C16orf78: variants seen among roughly 807,000 people sequenced by gnomAD.
C16orf78 encodes uncharacterized protein C16orf78.
A neutral mutation model predicts 27.3 loss-of-function variants in C16orf78; 19 were observed. The ratio of observed to expected loss-of-function variants is 0.70; its 90% CI spans 0.49 to 1.02. C16orf78 has a LOEUF of 1.02. Among genes scored for constraint, C16orf78 ranks in the 50% least tolerant of loss-of-function variants. The pLI is 0.00. For synonymous variants in C16orf78, 130 were observed against 116.1 expected (o/e 1.12, Z -0.77); for missense variants, 339 against 337.0 (o/e 1.01, Z -0.05).
chr16:49,382,333 G>T (rs1036813276), intron 3 of C16orf78, among the ~76,000 whole-genome samples: 16 of 152,118 alleles, frequency 1.1e-4, no homozygotes, highest in Admixed American at 4.6e-4. Flanking sequence ...GTTAGTAGGT[G>T]CAGCGCACCA....
chr16:49,378,417 G>T, intron 2 of C16orf78, 53 bp from the exon 3 acceptor site: 1 of 1,537,698 alleles, frequency 6.5e-7, no homozygotes, highest in Non-Finnish European at 8.8e-7. Flanking sequence ...GGAGCGGGGA[G>T]GGCGAGCCAG....
chr16:49,399,203 T>C lies in C16orf78; in HGVS notation c.723T>C (p.Asp241=), dbSNP rs1293982177. 2 of 1,613,962 alleles carry C rather than the reference T, an allele frequency of 1.2e-6. No homozygotes were observed. The highest frequency in any genetic ancestry group is 2.7e-5 in the African/African-American group (2 of 74,918). ...KLCKDAGMNV[D]IHPHMVEEDI... Reference sequence around the variant, plus strand: ...GCAAGGATGCAGGAATGAATGTGGATATCCACCCCCACATGGTCGAAGAGG... The same window carrying C: ...GCAAGGATGCAGGAATGAATGTGGACATCCACCCCCACATGGTCGAAGAGG... The change falls in exon 5 of 5, where the codon GAT becomes GAC. Residue 241 remains aspartate, a synonymous_variant. Coordinates refer to ENST00000299191, the MANE Select transcript of C16orf78 (RefSeq NM_144602.4).
Position 49,377,833 on chromosome 16 carries a change from AC to A in C16orf78, c.254del (p.Thr85ArgfsTer8), listed in dbSNP as rs1485030083. 11 of 1,578,986 alleles carry A rather than the reference AC, an allele frequency of 7.0e-6. No individual in the cohort carries two copies. Among genetic ancestry groups the A allele is most frequent in the Non-Finnish European group, 9.5e-6 (11 of 1,161,204 alleles). On this transcript the variant is annotated frameshift_variant, in exon 2 of 5. Coordinates refer to ENST00000299191, the MANE Select transcript of C16orf78 (RefSeq NM_144602.4). LOFTEE classifies it high-confidence loss of function. ...MTARGGNRRD[T>X]ETSQQALGKR... ...AGCACGGGGAGGGAACCGCAGGGACACGGAGACTTCCCAGCAGGTAATGCAG... is the reference window on the plus strand; with the variant it reads ...AGCACGGGGAGGGAACCGCAGGGACAGGAGACTTCCCAGCAGGTAATGCAG...
In C16orf78 at chr16:49,374,108, A is replaced by G; in HGVS notation, c.150+19A>G. The G allele has an allele frequency of 6.2e-7, 1 of 1,612,292 alleles. No homozygotes were observed. The highest frequency in any genetic ancestry group is 8.5e-7 in the Non-Finnish European group (1 of 1,178,990). Reference sequence around the variant, plus strand: ...TCCCGAGGTGGGTACCATCCAAGAGAAATGGCAGGAAGACTTTACTCAAGG... The same window carrying G: ...TCCCGAGGTGGGTACCATCCAAGAGGAATGGCAGGAAGACTTTACTCAAGG... On this transcript the variant is annotated intron_variant, in intron 1 of 4. Transcript: ENST00000299191.
intron 3 of C16orf78, among the ~76,000 whole-genome samples, chr16:49,393,624 TA>T (rs1329466560): frequency 1.3e-5 from 2 of 151,996 alleles, no homozygotes; most frequent in Admixed American, 6.6e-5. Flanking sequence ...CAGTAAAAAC[TA>T]AAAGTAATAA....
At chr16:49,378,820 C>T (rs1218740544) in intron 3 of C16orf78, among the ~76,000 whole-genome samples, 1 of 152,188 alleles carries the variant, frequency 6.6e-6, no homozygotes, top group East Asian at 1.9e-4. Flanking sequence ...TCTGTCAAGG[C>T]CCTGCCCCAT....
intron 3 of C16orf78, among the ~76,000 whole-genome samples, chr16:49,387,111 AT>A (rs1346077465): frequency 2.0e-5 from 3 of 151,964 alleles, no homozygotes; most frequent in Non-Finnish European, 4.4e-5. Flanking sequence ...AGCATCTGTT[AT>A]TTTTTGACTT....
chr16:49,395,172 T>G (rs1596932817), intron 3 of C16orf78, among the ~76,000 whole-genome samples: 1 of 152,250 alleles, frequency 6.6e-6, no homozygotes, highest in East Asian at 1.9e-4. Context: ...GCTGGGATTA[T>G]AGACATGAGC....
intron 3 of C16orf78, among the ~76,000 whole-genome samples, chr16:49,389,582 C>T (rs765264014): frequency 2.0e-5 from 3 of 152,014 alleles, no homozygotes; most frequent in African/African-American, 2.4e-5. Flanking sequence ...GGTGACAGGG[C>T]GAGACTCTGT....
rs116256812 is a variant in C16orf78, at chr16:49,380,543, C to A, written c.394+1950C>A. Among the ~76,000 whole-genome samples the A allele has an allele frequency of 4.9e-3, 739 of 152,262 alleles. 7 individuals carry two copies. Among genetic ancestry groups the A allele is most frequent in the African/African-American group, 0.017 (701 of 41,550 alleles). On this transcript the variant is annotated intron_variant, in intron 3 of 4. Coordinates refer to ENST00000299191, the MANE Select transcript of C16orf78 (RefSeq NM_144602.4). ...GGCTGCTATCTTGTCTCTTTGATTT[C>A]TCCTGAAACCTCTCACACGAAGTCA...
chr16:49,377,129 A>G (rs1371990741), intron 1 of C16orf78, among the ~76,000 whole-genome samples: 1 of 152,230 alleles, frequency 6.6e-6, no homozygotes, highest in Non-Finnish European at 1.5e-5. Flanking sequence ...CAGGAGGGCC[A>G]GGAATGTGCC....
intron 3 of C16orf78, among the ~76,000 whole-genome samples, chr16:49,386,042 G>GTAAC (rs1181120471): frequency 6.6e-6 from 1 of 152,164 alleles, no homozygotes; most frequent in East Asian, 1.9e-4. Flanking sequence ...CATGCAAATG[G>GTAAC]TAACCTAAGG....
At chr16:49,378,961 G>A (rs1000052412) in intron 3 of C16orf78, among the ~76,000 whole-genome samples, 5 of 152,130 alleles carry the variant, frequency 3.3e-5, no homozygotes, top group African/African-American at 7.2e-5. Flanking sequence ...ACTACAGAAG[G>A]TACCACTCCT....
At chr16:49,395,349 T>C (rs1965458752) in intron 3 of C16orf78, among the ~76,000 whole-genome samples, 1 of 152,076 alleles carries the variant, frequency 6.6e-6, no homozygotes. Context: ...TATTAAGGTG[T>C]CCAAGCTCTA....
chr16:49,397,792 G>A (rs1411715021), intron 4 of C16orf78, among the ~76,000 whole-genome samples: 1 of 152,168 alleles, frequency 6.6e-6, no homozygotes, highest in African/African-American at 2.4e-5. Flanking sequence ...TATTGAGACA[G>A]CCTCTCTCTG....
chr16:49,373,900 G>T lies in C16orf78; in HGVS notation c.-40G>T. ...AAAGGGATCGAAAGAGTGAGACAGT[G>T]CCAGCCACCTCCCACCCAAGCCACT... On this transcript the variant is annotated 5_prime_UTR_variant, in exon 1 of 5. Coordinates refer to ENST00000299191, the MANE Select transcript of C16orf78 (RefSeq NM_144602.4). The T allele has an allele frequency of 6.8e-6, 11 of 1,611,086 alleles. No individual in the cohort carries two copies. The highest frequency in any genetic ancestry group is 1.1e-5 in the South Asian group (1 of 90,372).
chr16:49,388,219 T>C (rs1387464294), intron 3 of C16orf78, among the ~76,000 whole-genome samples: 1 of 152,146 alleles, frequency 6.6e-6, no homozygotes, highest in Non-Finnish European at 1.5e-5. Flanking sequence ...TCAGTTCAGC[T>C]CTGATTTTGG....
At chr16:49,393,093 C>T (rs902137228) in intron 3 of C16orf78, among the ~76,000 whole-genome samples, 1 of 152,128 alleles carries the variant, frequency 6.6e-6, no homozygotes, top group African/African-American at 2.4e-5. Context: ...TCAATTAAAC[C>T]TCTTTCCTTT....
At chr16:49,390,742 T>C (rs926018845) in intron 3 of C16orf78, among the ~76,000 whole-genome samples, 4 of 152,240 alleles carry the variant, frequency 2.6e-5, no homozygotes, top group Non-Finnish European at 4.4e-5. Context: ...TGCATAACTT[T>C]GCAGTTCTTG....
Sources: gnomAD v4.1 joint callset for allele counts (sites outside exome capture counted in the v4.1 genomes callset) on GRCh38, gnomAD v4.1.1 for gene constraint, MANE v1.5 for transcripts, NCBI Gene and HGNC (gene_info 2026-07-23, HGNC 2026-07-21) for gene names.